FRAS1: variants seen among roughly 807,000 people sequenced by gnomAD.
The protein encoded by FRAS1 is Fraser extracellular matrix complex subunit 1, also known as extracellular matrix organizing protein FRAS1.
FRAS1 carries 290 observed loss-of-function variants against 435.2 expected under a neutral mutation model. That is an observed-to-expected ratio of 0.67 (90% confidence interval 0.61 to 0.73). The LOEUF (loss-of-function observed/expected upper bound fraction) is 0.73. Among genes scored for constraint, FRAS1 ranks in the 30% least tolerant of loss-of-function variants. The pLI is 0.00. For missense variants in FRAS1, 4,860 were observed against 5,001.5 expected, an observed-to-expected ratio of 0.97 and a Z score of 0.85; for synonymous variants, 1,800 against 1,851.0, an observed-to-expected ratio of 0.97 and a Z score of 0.71.
intron 2 of FRAS1, among the ~76,000 whole-genome samples, chr4:78,198,242 C>T (rs1260930898): frequency 6.6e-6 from 1 of 152,176 alleles, no homozygotes; most frequent in Admixed American, 6.5e-5. Context: ...CCCCTGACAG[C>T]CTTCAGTCAG....
In FRAS1 at chr4:78,317,233, C is replaced by T. The variant is rs1314337663; in HGVS notation, c.1820-135C>T. 7.1e-6 allele frequency: 7 copies of T among 980,884 alleles called. No homozygotes were observed. The East Asian group carries it at 1.2e-4, about 17-fold the overall frequency. The allele number at this position is 980,884 out of a possible 1,614,324, so 60.8% of individuals were successfully genotyped here. A position where few individuals can be genotyped will look rare whatever the true frequency, so the allele number is the denominator to read the frequency against. On this transcript the variant is annotated intron_variant, in intron 16 of 73. Coordinates refer to ENST00000512123, the MANE Select transcript of FRAS1 (RefSeq NM_025074.7). ...GCAGTTCTGGCAGTGTAACCACCTC[C>T]TAACACATTTTCCCCTTGGTTTGGT...
At chr4:78,293,902 A>G (rs554600832) in intron 14 of FRAS1, among the ~76,000 whole-genome samples, 67 of 152,328 alleles carry the variant, frequency 4.4e-4, no homozygotes, top group Non-Finnish European at 8.2e-4. Context: ...CAAATGACAG[A>G]ACAAAAGTAT....
At chr4:78,261,861 T>G (rs892972377) in intron 6 of FRAS1, among the ~76,000 whole-genome samples, 1 of 152,186 alleles carries the variant, frequency 6.6e-6, no homozygotes, top group Non-Finnish European at 1.5e-5. Context: ...TTTATGCTTT[T>G]CTCTTGTTAA....
chr4:78,236,118 G>T (rs896469581), intron 2 of FRAS1, among the ~76,000 whole-genome samples: 1 of 152,198 alleles, frequency 6.6e-6, no homozygotes, highest in African/African-American at 2.4e-5. Flanking sequence ...GGAAAAGTCA[G>T]AGAAGAGTAG....
intron 31 of FRAS1, among the ~76,000 whole-genome samples, chr4:78,411,112 T>TTTG (rs1416241981): frequency 6.6e-6 from 1 of 151,124 alleles, no homozygotes; most frequent in Non-Finnish European, 1.5e-5. Context: ...GCATGGATTT[T>TTTG]TTTTCTTTTT....
At chr4:78,101,691 T>C (rs1742139937) in intron 2 of FRAS1, among the ~76,000 whole-genome samples, 1 of 152,186 alleles carries the variant, frequency 6.6e-6, no homozygotes, top group African/African-American at 2.4e-5. Context: ...TAATAACATA[T>C]TATATTTTAG....
chr4:78,478,682 C>T (rs1331135492), intron 55 of FRAS1, among the ~76,000 whole-genome samples: 2 of 152,140 alleles, frequency 1.3e-5, no homozygotes, highest in Non-Finnish European at 2.9e-5. Context: ...AATTGAACCC[C>T]CATTCAAAGG....
Position 78,430,427 on chromosome 4 carries a change from C to G in FRAS1, c.4969+10C>G. On this transcript the variant is annotated intron_variant, in intron 37 of 73. Transcript: ENST00000512123. ...AGGCCGATGGCCACAGGTAGCTACACACCTACACACTCTGTCACTGACCTG... is the reference window on the plus strand; with the variant it reads ...AGGCCGATGGCCACAGGTAGCTACAGACCTACACACTCTGTCACTGACCTG... 1 of 1,608,568 alleles carries G rather than the reference C, an allele frequency of 6.2e-7. No homozygotes were observed. The highest frequency in any genetic ancestry group is 8.5e-7 in the Non-Finnish European group (1 of 1,176,430).
In FRAS1 at chr4:78,430,368, T is replaced by C. The variant is rs368631989; in HGVS notation, c.4920T>C (p.His1640=). Residue 1640 remains histidine, a synonymous_variant, in exon 37 of 74, where the codon CAT becomes CAC. Transcript: ENST00000512123. The part of the protein sequence containing the change: ...LFFELRRPPQ[H]GVLLKHTAEF... ...TTGAGCTTCGGAGACCTCCACAGCA[T>C]GGTGTGCTTCTTAAGCATACAGCTG... 4.7e-5 allele frequency: 76 copies of C among 1,613,744 alleles called. No individual in the cohort carries two copies. The highest frequency in any genetic ancestry group is 6.2e-5 in the Non-Finnish European group (73 of 1,179,838).
Position 78,475,444 on chromosome 4 carries a change from T to G in FRAS1, c.7689T>G (p.Asn2563Lys). 6.2e-7 allele frequency: 1 copy of G among 1,613,880 alleles called. No individual in the cohort carries two copies. The highest frequency in any genetic ancestry group is 2.2e-5 in the East Asian group (1 of 44,868). Reference sequence around the variant, plus strand: ...CCTTTTTGTGTGCTTCCAGCTACAATGTCAGTGAGAAGGCAGGGTCTGTCA... The same window carrying G: ...CCTTTTTGTGTGCTTCCAGCTACAAGGTCAGTGAGAAGGCAGGGTCTGTCA... ...SLISFKYTSY[N>K]VSEKAGSVSV... The change falls in exon 54 of 74, where the codon AAT (asparagine) becomes AAG (lysine). Residue 2563 changes from asparagine (N) to lysine (K), a missense_variant. By Grantham distance (94) the Asn-to-Lys change is moderately conservative. Transcript: ENST00000512123.
chr4:78,286,282 T>C, intron 13 of FRAS1, 123 bp from the exon 14 acceptor site: 2 of 1,064,530 alleles, frequency 1.9e-6, no homozygotes, highest in Non-Finnish European at 2.9e-6. Context: ...AAATTATTTT[T>C]CTGCATTTTC....
intron 34 of FRAS1, among the ~76,000 whole-genome samples, chr4:78,422,208 C>G (rs1733816945): frequency 6.6e-6 from 1 of 151,716 alleles, no homozygotes; most frequent in African/African-American, 2.4e-5. Flanking sequence ...TTGAGGCATA[C>G]TTTCAGTAAA....
intron 30 of FRAS1, among the ~76,000 whole-genome samples, chr4:78,403,877 A>G (rs1191830419): frequency 6.6e-6 from 1 of 152,228 alleles, no homozygotes; most frequent in Non-Finnish European, 1.5e-5. Flanking sequence ...AACATAAAGC[A>G]TGTTTTATAA....
intron 63 of FRAS1, among the ~76,000 whole-genome samples, chr4:78,509,632 G>A (rs57635643): frequency 0.024 from 3,682 of 152,250 alleles, 141 homozygotes; most frequent in African/African-American, 0.084. Context: ...AGCAGTTGCT[G>A]TCCTCAAAAA....
intron 29 of FRAS1, among the ~76,000 whole-genome samples, chr4:78,397,337 C>T (rs1376326072): frequency 2.0e-5 from 3 of 152,192 alleles, no homozygotes; most frequent in Non-Finnish European, 4.4e-5. Flanking sequence ...CACCATCAAG[C>T]AGGGTGCTGA....
intron 2 of FRAS1, among the ~76,000 whole-genome samples, chr4:78,161,850 T>A (rs1416582110): frequency 1.3e-5 from 2 of 151,326 alleles, no homozygotes; most frequent in African/African-American, 4.8e-5. Flanking sequence ...TGCCTTCATC[T>A]GCAAAATGAG....
chr4:78,432,660 A>T (rs576412122), intron 38 of FRAS1, 56 bp downstream of exon 38: 1 of 1,501,304 alleles, frequency 6.7e-7, no homozygotes, highest in South Asian at 1.4e-5. Flanking sequence ...CTGATGGGGC[A>T]GACTGGGCAG....
In FRAS1 at chr4:78,479,617, G is replaced by A. The variant is rs373377563; in HGVS notation, c.8342G>A (p.Arg2781His). 3.8e-5 allele frequency: 62 copies of A among 1,613,866 alleles called. No individual in the cohort carries two copies. Among genetic ancestry groups the A allele is most frequent in the Non-Finnish European group, 4.8e-5 (57 of 1,179,772 alleles). ...IALADASDNARIGRVATAKVL... is the reference protein window; with the variant it reads ...IALADASDNAHIGRVATAKVL... ...TTGGCAGATGCCTCTGACAATGCCC[G>A]CATTGGAAGGGTGGCGACAGCCAAG... is the stretch of plus-strand genomic sequence containing the variant. Residue 2781 changes from arginine to histidine, a missense_variant, in exon 56 of 74, where the codon CGC becomes CAC. Arg to His is a conservative substitution (Grantham distance 29, BLOSUM62 0). Transcript: ENST00000512123.
At chr4:78,113,055 C>T (rs1198686633) in intron 2 of FRAS1, among the ~76,000 whole-genome samples, 1 of 152,122 alleles carries the variant, frequency 6.6e-6, no homozygotes, top group Non-Finnish European at 1.5e-5. Flanking sequence ...TCAATTCCCA[C>T]CTATGAGTGA....
Sources: allele counts gnomAD v4.1 joint callset (sites outside exome capture counted in the v4.1 genomes callset), GRCh38; gene constraint gnomAD v4.1.1; transcripts MANE v1.5; gene names NCBI Gene and HGNC (gene_info 2026-07-23, HGNC 2026-07-21).